Variants in RIMS2 observed in about 807,000 individuals in gnomAD.
The protein encoded by RIMS2 is regulating synaptic membrane exocytosis protein 2.
Under a neutral mutation model 174.4 loss-of-function variants are expected in RIMS2, and 59 were observed. The observed-to-expected ratio is 0.34, with a 90% confidence interval of 0.27 to 0.42. RIMS2 has a LOEUF of 0.42. Ranked by LOEUF, RIMS2 falls within the 10% of genes least tolerant of loss-of-function variation. The probability of loss-of-function intolerance (pLI) is 1.00; values close to 1 mark genes in which losing one functional copy is unlikely to be tolerated. For missense variants in RIMS2, 1,620 were observed against 1,666.3 expected, an observed-to-expected ratio of 0.97 and a Z score of 0.48; for synonymous variants, 606 against 572.5, an observed-to-expected ratio of 1.06 and a Z score of -0.84.
intron 3 of RIMS2, among the ~76,000 whole-genome samples, chr8:103,796,403 C>G (rs899274384): frequency 6.6e-6 from 1 of 152,054 alleles, no homozygotes; most frequent in African/African-American, 2.4e-5. Flanking sequence ...TCCTTTTATA[C>G]AAAAATAATT....
intron 1 of RIMS2, among the ~76,000 whole-genome samples, chr8:103,616,139 A>G (rs1240196716): frequency 1.3e-5 from 2 of 152,200 alleles, no homozygotes; most frequent in African/African-American, 4.8e-5. Context: ...TGCAAACTGA[A>G]TCCAGCAGAA....
At chr8:104,189,787 A>G (rs2098988478) in intron 19 of RIMS2, among the ~76,000 whole-genome samples, 2 of 151,896 alleles carry the variant, frequency 1.3e-5, no homozygotes, top group African/African-American at 4.8e-5. Context: ...TTACGAAGTA[A>G]ACCAGTTTTT....
At chr8:104,107,977 C>A (rs564002317) in intron 19 of RIMS2, among the ~76,000 whole-genome samples, 82 of 148,180 alleles carry the variant, frequency 5.5e-4, no homozygotes, top group African/African-American at 1.5e-3. Context: ...GCCCCCCCCC[C>A]ACAATGGAAA....
At chr8:103,554,590 T>C (rs1170903106) in intron 1 of RIMS2, among the ~76,000 whole-genome samples, 4 of 152,172 alleles carry the variant, frequency 2.6e-5, no homozygotes, top group African/African-American at 9.7e-5. Flanking sequence ...TTGCTGGTCA[T>C]GTAAATTAGT....
intron 15 of RIMS2, among the ~76,000 whole-genome samples, chr8:103,965,356 A>G (rs1171927702): frequency 6.6e-6 from 1 of 151,974 alleles, no homozygotes; most frequent in Non-Finnish European, 1.5e-5. Flanking sequence ...TGTAGATCTT[A>G]TACATATTTT....
intron 3 of RIMS2, among the ~76,000 whole-genome samples, chr8:103,842,474 CTTATT>C (rs1256090380): frequency 6.6e-6 from 1 of 151,892 alleles, no homozygotes; most frequent in African/African-American, 2.4e-5. Flanking sequence ...TAAATAATAA[CTTATT>C]ATAATTAATT....
chr8:103,593,915 T>G (rs1457738216), intron 1 of RIMS2, among the ~76,000 whole-genome samples: 1 of 151,398 alleles, frequency 6.6e-6, no homozygotes, highest in African/African-American at 2.4e-5. Context: ...CCTCAATAAT[T>G]TTTACTAATA....
At chr8:104,239,639 C>A (rs1588089289) in intron 19 of RIMS2, among the ~76,000 whole-genome samples, 2 of 152,090 alleles carry the variant, frequency 1.3e-5, no homozygotes, top group African/African-American at 2.4e-5. Flanking sequence ...TGATGGTCCA[C>A]CCCTAAGTCA....
chr8:103,750,356 C>T (rs938273553), intron 2 of RIMS2, among the ~76,000 whole-genome samples: 1 of 152,110 alleles, frequency 6.6e-6, no homozygotes, highest in African/African-American at 2.4e-5. Context: ...AATATACTAT[C>T]AGTTGACAGT....
At chr8:103,514,072 G>C (rs939376729) in intron 1 of RIMS2, among the ~76,000 whole-genome samples, 1 of 152,102 alleles carries the variant, frequency 6.6e-6, no homozygotes, top group Non-Finnish European at 1.5e-5. Flanking sequence ...ATACAAAATA[G>C]TAAGTAATTC....
chr8:103,879,893 T>C (rs1488572785), intron 3 of RIMS2, among the ~76,000 whole-genome samples: 1 of 151,728 alleles, frequency 6.6e-6, no homozygotes, highest in Non-Finnish European at 1.5e-5. Context: ...TTATTAAAAT[T>C]CTTTTTAATT....
chr8:103,702,951 C>T (rs1262898139), intron 2 of RIMS2, among the ~76,000 whole-genome samples: 3 of 123,338 alleles, frequency 2.4e-5, no homozygotes, highest in African/African-American at 3.0e-5. Flanking sequence ...TTTTCTGTTT[C>T]GTGAGGAATG....
At chr8:104,222,295 T>C (rs1457868974) in intron 19 of RIMS2, among the ~76,000 whole-genome samples, 1 of 152,220 alleles carries the variant, frequency 6.6e-6, no homozygotes, top group Non-Finnish European at 1.5e-5. Context: ...CCATGGTACC[T>C]GGCATATACT....
chr8:103,813,615 G>A (rs921153366), intron 3 of RIMS2, among the ~76,000 whole-genome samples: 5 of 151,950 alleles, frequency 3.3e-5, no homozygotes, highest in Admixed American at 1.3e-4. Flanking sequence ...AAGTGCTCTC[G>A]TTGTTCAAGT....
chr8:104,157,724 A>G (rs1351528625), intron 19 of RIMS2, among the ~76,000 whole-genome samples: 1 of 152,186 alleles, frequency 6.6e-6, no homozygotes, highest in Non-Finnish European at 1.5e-5. Context: ...TTCATCTGTC[A>G]GTAGGCACTT....
chr8:103,957,354 T>C (rs188964381), intron 14 of RIMS2, among the ~76,000 whole-genome samples: 1 of 152,312 alleles, frequency 6.6e-6, no homozygotes, highest in Admixed American at 6.5e-5. Flanking sequence ...CCAACCCAAA[T>C]GCTCATCAAT....
At chr8:103,673,099 C>T (rs951805688) in intron 1 of RIMS2, among the ~76,000 whole-genome samples, 1 of 152,188 alleles carries the variant, frequency 6.6e-6, no homozygotes, top group African/African-American at 2.4e-5. Flanking sequence ...GACTCCATGT[C>T]CTGCGTGCAG....
At chr8:103,874,972 T>C (rs780972842) in intron 3 of RIMS2, among the ~76,000 whole-genome samples, 1 of 152,036 alleles carries the variant, frequency 6.6e-6, no homozygotes, top group Non-Finnish European at 1.5e-5. Flanking sequence ...GTTTGTTTGT[T>C]TGTTTCTTTT....
At chr8:103,732,627 G>A (rs1204186988) in intron 2 of RIMS2, among the ~76,000 whole-genome samples, 1 of 152,060 alleles carries the variant, frequency 6.6e-6, no homozygotes, top group African/African-American at 2.4e-5. Flanking sequence ...CTGGTGCTTT[G>A]TACTACTGCA....
Sources: gnomAD v4.1 joint callset for allele counts (sites outside exome capture counted in the v4.1 genomes callset) on GRCh38, gnomAD v4.1.1 for gene constraint, MANE v1.5 for transcripts, NCBI Gene and HGNC (gene_info 2026-07-23, HGNC 2026-07-21) for gene names.